Variants in DOCK3 observed in about 807,000 individuals in gnomAD.
DOCK3 encodes dedicator of cytokinesis 3, also known as dedicator of cytokinesis protein 3.
Under a neutral mutation model 265.6 loss-of-function variants are expected in DOCK3, and 60 were observed. The observed-to-expected ratio is 0.23, with a 90% CI of 0.18 to 0.28. The LOEUF is 0.28. DOCK3 is among the 10% of genes least tolerant of loss of function. DOCK3 has a pLI of 1.00. For missense variants in DOCK3, 1,981 were observed against 2,594.3 expected, an observed-to-expected ratio of 0.76 and a Z score of 5.14; for synonymous variants, 881 against 938.0, an observed-to-expected ratio of 0.94 and a Z score of 1.11.
At chr3:50,810,230 G>A (rs1360942347) in intron 2 of DOCK3, among the ~76,000 whole-genome samples, 2 of 152,092 alleles carry the variant, frequency 1.3e-5, no homozygotes, top group African/African-American at 2.4e-5. Context: ...TAAGTGGTGG[G>A]CAGACAGGTA....
At chr3:50,797,886 AT>A (rs2042872759) in intron 2 of DOCK3, among the ~76,000 whole-genome samples, 1 of 152,224 alleles carries the variant, frequency 6.6e-6, no homozygotes, top group African/African-American at 2.4e-5. Context: ...TAATATGAAC[AT>A]TAATCGTATT....
intron 2 of DOCK3, among the ~76,000 whole-genome samples, chr3:50,794,034 G>A (rs1292109262): frequency 2.6e-5 from 4 of 152,090 alleles, no homozygotes; most frequent in South Asian, 2.1e-4. Flanking sequence ...ATGTGTAATC[G>A]TAAGGTTTTG....
intron 2 of DOCK3, among the ~76,000 whole-genome samples, chr3:50,823,891 A>G (rs1319312329): frequency 2.0e-5 from 3 of 152,250 alleles, no homozygotes; most frequent in African/African-American, 7.2e-5. Context: ...AGTAGATATT[A>G]TACATTCATT....
intron 5 of DOCK3, among the ~76,000 whole-genome samples, chr3:50,956,894 G>C (rs944223928): frequency 4.6e-5 from 7 of 152,108 alleles, no homozygotes; most frequent in Non-Finnish European, 8.8e-5. Context: ...ACAGAGTCTT[G>C]CTTTGTCGCC....
intron 5 of DOCK3, among the ~76,000 whole-genome samples, chr3:51,003,847 G>A (rs2078568312): frequency 6.6e-6 from 1 of 152,120 alleles, no homozygotes; most frequent in African/African-American, 2.4e-5. Context: ...ATTGAGTTCT[G>A]GGTTTGTGGG....
At chr3:50,690,271 T>C (rs888255998) in intron 1 of DOCK3, among the ~76,000 whole-genome samples, 3 of 151,980 alleles carry the variant, frequency 2.0e-5, no homozygotes, top group Admixed American at 2.0e-4. Context: ...TAGCTAGTAC[T>C]ATAGGCATGT....
intron 3 of DOCK3, among the ~76,000 whole-genome samples, chr3:50,889,298 A>T (rs1047329127): frequency 6.6e-6 from 1 of 151,814 alleles, no homozygotes; most frequent in East Asian, 1.9e-4. Context: ...TGCCCAGACT[A>T]GTCATGGAGT....
intron 2 of DOCK3, among the ~76,000 whole-genome samples, chr3:50,837,198 C>T (rs2045561150): frequency 6.6e-6 from 1 of 152,184 alleles, no homozygotes; most frequent in Non-Finnish European, 1.5e-5. Context: ...TTATCCAGTT[C>T]CAAAGTTGCT....
intron 33 of DOCK3, among the ~76,000 whole-genome samples, chr3:51,331,127 G>A (rs1401644399): frequency 6.6e-6 from 1 of 152,182 alleles, no homozygotes; most frequent in Admixed American, 6.5e-5. Context: ...ACTGGGCTCA[G>A]GGAAGTGCCA....
chr3:51,366,891 G>C (rs1405856268), intron 49 of DOCK3, among the ~76,000 whole-genome samples: 1 of 152,198 alleles, frequency 6.6e-6, no homozygotes, highest in Admixed American at 6.5e-5. Context: ...CATTTCCTGA[G>C]GAGTGCTTTA....
In DOCK3 at chr3:51,030,573, G is replaced by A. The variant is rs987309488; in HGVS notation, c.316-33875G>A. 3.3e-5 allele frequency among the ~76,000 whole-genome samples: 5 copies of A among 152,108 alleles called. No homozygotes were observed. The South Asian group carries it at 1.0e-3, about 32-fold the overall frequency. On this transcript the variant is annotated intron_variant, in intron 5 of 52. Transcript: ENST00000266037. ...TGTGTGTTGTTTACCTTCTTGTCAA[G>A]TTCTGGATCCAATTTTTGTCTCCAA... is the stretch of plus-strand genomic sequence containing the variant.
intron 27 of DOCK3, among the ~76,000 whole-genome samples, chr3:51,289,725 A>G (rs531549764): frequency 6.6e-6 from 1 of 152,330 alleles, no homozygotes; most frequent in Non-Finnish European, 1.5e-5. Context: ...GGATGAAAAA[A>G]GAAACTACCA....
chr3:50,756,096 C>T (rs1462305268), intron 1 of DOCK3, among the ~76,000 whole-genome samples: 2 of 152,176 alleles, frequency 1.3e-5, no homozygotes, highest in Non-Finnish European at 2.9e-5. Flanking sequence ...TCTGTTTCCC[C>T]TCCCTTGATT....
intron 40 of DOCK3, 96 bp downstream of exon 40, chr3:51,350,488 G>C: frequency 7.5e-7 from 1 of 1,334,194 alleles, no homozygotes; most frequent in Non-Finnish European, 1.1e-6. Context: ...CTTTTCTACT[G>C]AATACTTCTT....
intron 12 of DOCK3, among the ~76,000 whole-genome samples, 185 bp downstream of exon 12, chr3:51,160,887 T>C (rs1446445989): frequency 1.3e-5 from 2 of 151,734 alleles, no homozygotes; most frequent in Non-Finnish European, 2.9e-5. Context: ...CCATTCTGGC[T>C]AACACGGTGA....
At chr3:51,157,181 T>C (rs991081869) in intron 10 of DOCK3, among the ~76,000 whole-genome samples, 2 of 152,194 alleles carry the variant, frequency 1.3e-5, no homozygotes, top group African/African-American at 4.8e-5. Flanking sequence ...CCTGTTTCAT[T>C]ATAAACATAC....
At chr3:51,341,866 C>T (rs1015552055) in intron 38 of DOCK3, among the ~76,000 whole-genome samples, 3 of 152,206 alleles carry the variant, frequency 2.0e-5, no homozygotes, top group Non-Finnish European at 4.4e-5. Context: ...CTGGGCTCCT[C>T]TCATATTGGG....
At chr3:51,065,896 A>G (rs1006209977) in intron 6 of DOCK3, among the ~76,000 whole-genome samples, 1 of 152,220 alleles carries the variant, frequency 6.6e-6, no homozygotes, top group African/African-American at 2.4e-5. Context: ...GACCAAGATT[A>G]ACAAAACACC....
intron 5 of DOCK3, among the ~76,000 whole-genome samples, chr3:51,029,487 T>C (rs1337285814): frequency 1.3e-5 from 2 of 152,188 alleles, no homozygotes; most frequent in South Asian, 4.1e-4. Flanking sequence ...GGGAAAGGCA[T>C]CTGCCATGTC....
Sources: gnomAD v4.1 joint callset for allele counts (sites outside exome capture counted in the v4.1 genomes callset) on GRCh38, gnomAD v4.1.1 for gene constraint, MANE v1.5 for transcripts, NCBI Gene and HGNC (gene_info 2026-07-23, HGNC 2026-07-21) for gene names.